EIF3H: variants seen among roughly 807,000 people sequenced by gnomAD.
EIF3H encodes eIF-3-gamma.
In EIF3H, 26 loss-of-function variants were observed where a neutral mutation model predicts 44.2. The observed-to-expected ratio is 0.59, with a 90% CI of 0.43 to 0.82. The LOEUF is 0.82. Ranked by LOEUF, EIF3H falls within the 40% of genes least tolerant of loss-of-function variation. EIF3H has a pLI of 0.00. For synonymous variants in EIF3H, 166 were observed against 151.9 expected, an observed-to-expected ratio of 1.09 and a Z score of -0.68; for missense variants, 359 against 432.8, an observed-to-expected ratio of 0.83 and a Z score of 1.51.
chr8:116,737,235 A>C (rs1815057207), intron 1 of EIF3H: 1 of 447,084 alleles, frequency 2.2e-6, no homozygotes, highest in Admixed American at 2.5e-5. Context: ...AGATCTACGA[A>C]CCTCTTAAAA....
At chr8:116,759,504 CT>C (rs1815492878), upstream of EIF3H, among the ~76,000 whole-genome samples, 1 of 152,230 alleles carries the variant, frequency 6.6e-6, no homozygotes, top group South Asian at 2.1e-4. Context: ...ATTGGAGCTG[CT>C]TTCCCTCACT....
intron 2 of EIF3H, among the ~76,000 whole-genome samples, chr8:116,717,103 C>T (rs980362458): frequency 2.0e-5 from 3 of 151,902 alleles, no homozygotes; most frequent in African/African-American, 7.2e-5. Flanking sequence ...ATCCATATAA[C>T]AGAAAATTAT....
intron 2 of EIF3H, among the ~76,000 whole-genome samples, chr8:116,696,075 T>C (rs1017965843): frequency 3.9e-5 from 6 of 152,228 alleles, no homozygotes; most frequent in African/African-American, 7.2e-5. Flanking sequence ...CAAGTAGTAA[T>C]ATCCCAAGAG....
chr8:116,756,624 G>A (rs1442254467), upstream of EIF3H, among the ~76,000 whole-genome samples: 1 of 152,110 alleles, frequency 6.6e-6, no homozygotes, highest in Non-Finnish European at 1.5e-5. Flanking sequence ...ATACAGAACT[G>A]ATGAAATAAT....
intron 2 of EIF3H, among the ~76,000 whole-genome samples, chr8:116,712,863 T>C (rs1435960051): frequency 6.6e-6 from 1 of 152,158 alleles, no homozygotes; most frequent in Admixed American, 6.6e-5. Flanking sequence ...TAATTAATTA[T>C]CGATCTGTAA....
intron 1 of EIF3H, among the ~76,000 whole-genome samples, chr8:116,762,977 A>G (rs1196337792): frequency 2.6e-5 from 4 of 152,206 alleles, no homozygotes; most frequent in Non-Finnish European, 5.9e-5. Context: ...ATTCTGGGGA[A>G]TGGATTTGCT....
At chr8:116,734,949 C>A (rs1815008920) in intron 1 of EIF3H, among the ~76,000 whole-genome samples, 1 of 152,180 alleles carries the variant, frequency 6.6e-6, no homozygotes, top group African/African-American at 2.4e-5. Flanking sequence ...ACACAATATA[C>A]TAGTAAAATC....
chr8:116,677,782 T>C (rs938557855), intron 2 of EIF3H, among the ~76,000 whole-genome samples: 2 of 152,222 alleles, frequency 1.3e-5, no homozygotes, highest in African/African-American at 4.8e-5. Context: ...CAATATACCA[T>C]AAAATGTTTA....
At chr8:116,748,395 A>G (rs1337311087) in intron 1 of EIF3H, among the ~76,000 whole-genome samples, 4 of 152,182 alleles carry the variant, frequency 2.6e-5, no homozygotes, top group Non-Finnish European at 5.9e-5. Context: ...AATATTAGTG[A>G]TTTTTCAAAC....
rs115948144 is a variant in EIF3H at position 116,654,844 on chromosome 8, T to A, written c.707+1012A>T. Among the ~76,000 whole-genome samples the A allele has an allele frequency of 5.8e-3, 882 of 152,110 alleles. 8 individuals carry two copies. Among genetic ancestry groups the A allele is most frequent in the African/African-American group, 0.021 (860 of 41,484 alleles). ...GCCAGAGCATAGAGAAGAACATTGATGTCTCTGGCCCTTCTGGGTTCATCC... is the reference window on the plus strand; with the variant it reads ...GCCAGAGCATAGAGAAGAACATTGAAGTCTCTGGCCCTTCTGGGTTCATCC... On this transcript the variant is annotated intron_variant, in intron 5 of 7. Coordinates refer to ENST00000521861, the MANE Select transcript of EIF3H (RefSeq NM_003756.3).
intron 1 of EIF3H, among the ~76,000 whole-genome samples, chr8:116,736,847 CCCTA>C (rs1266744338): frequency 1.3e-5 from 2 of 152,124 alleles, no homozygotes; most frequent in African/African-American, 2.4e-5. Flanking sequence ...ACAACTATAA[CCCTA>C]CCTATTATGT....
intron 2 of EIF3H, among the ~76,000 whole-genome samples, chr8:116,714,945 T>C (rs1211261518): frequency 6.6e-6 from 1 of 152,096 alleles, no homozygotes; most frequent in Non-Finnish European, 1.5e-5. Flanking sequence ...TCCAGCAGTT[T>C]TACCCTAGGT....
At chr8:116,673,821 G>A (rs1813796329) in intron 2 of EIF3H, among the ~76,000 whole-genome samples, 1 of 151,960 alleles carries the variant, frequency 6.6e-6, no homozygotes. Flanking sequence ...CCTGTAATCC[G>A]AGCACTTTGG....
chr8:116,718,987 A>G lies in EIF3H; in HGVS notation c.289+7029T>C, dbSNP rs1814699186. ...GCTAATTGTGATAAAAACACAAAAG[A>G]ATAAAGAAAAATTACTACGGTGGGA... is the stretch of plus-strand genomic sequence containing the variant. On this transcript the variant is annotated intron_variant, in intron 2 of 7. Transcript: ENST00000521861. Among the ~76,000 whole-genome samples the G allele has an allele frequency of 2.0e-5, 3 of 152,286 alleles. No homozygotes were observed. In the South Asian group the frequency reaches 6.2e-4, roughly 32 times the overall value.
At chr8:116,658,278 G>T (rs991440528) in intron 3 of EIF3H, 2 of 152,194 alleles carry the variant, frequency 1.3e-5, no homozygotes, top group South Asian at 4.1e-4. Flanking sequence ...GTGAGTGTTT[G>T]GGGAGGGGGA....
intron 2 of EIF3H, among the ~76,000 whole-genome samples, chr8:116,671,722 G>C (rs1280351566): frequency 6.6e-6 from 1 of 152,198 alleles, no homozygotes; most frequent in African/African-American, 2.4e-5. Flanking sequence ...CTACTCAAAT[G>C]CTTAACGTTT....
At chr8:116,668,645 C>T (rs1473418856) in intron 2 of EIF3H, among the ~76,000 whole-genome samples, 2 of 151,698 alleles carry the variant, frequency 1.3e-5, no homozygotes, top group African/African-American at 2.4e-5. Flanking sequence ...CTTTACCACA[C>T]ATTAATTGTG....
At chr8:116,645,370 T>G (rs915391660) in intron 7 of EIF3H, among the ~76,000 whole-genome samples, 5 of 152,222 alleles carry the variant, frequency 3.3e-5, no homozygotes, top group African/African-American at 1.2e-4. Flanking sequence ...TCAAAAGGAC[T>G]GACTAAATAG....
intron 2 of EIF3H, among the ~76,000 whole-genome samples, chr8:116,724,110 A>T (rs1393704531): frequency 6.6e-6 from 1 of 152,202 alleles, no homozygotes; most frequent in Non-Finnish European, 1.5e-5. Flanking sequence ...AGACATACAG[A>T]CCAGTGGAAT....
Sources: allele counts gnomAD v4.1 joint callset (sites outside exome capture counted in the v4.1 genomes callset), GRCh38; gene constraint gnomAD v4.1.1; transcripts MANE v1.5; gene names NCBI Gene and HGNC (gene_info 2026-07-23, HGNC 2026-07-21).